LIMS1: variants seen among roughly 807,000 people sequenced by gnomAD.
LIMS1 encodes the protein LIM and senescent cell antigen-like-containing domain protein 1.
Under a neutral mutation model 44.1 loss-of-function variants are expected in LIMS1, and 18 were observed. The ratio of observed to expected loss-of-function variants is 0.41; its 90% confidence interval spans 0.28 to 0.61. The LOEUF is 0.61. Ranked by LOEUF, LIMS1 falls within the 20% of genes least tolerant of loss-of-function variation. The pLI is 0.32. For missense variants in LIMS1, 201 were observed against 422.0 expected (o/e 0.48, Z 4.59); for synonymous variants, 93 against 149.1 (o/e 0.62, Z 2.74).
chr2:108,622,609 G>T (rs1023796507), intron 1 of LIMS1, among the ~76,000 whole-genome samples: 1 of 152,108 alleles, frequency 6.6e-6, no homozygotes, highest in Non-Finnish European at 1.5e-5. Context: ...GAATTGACTG[G>T]ATTAAACAAT....
Position 108,683,871 on chromosome 2 carries a change from T to A in LIMS1, c.900-14T>A. 1 of 1,378,400 alleles carries A rather than the reference T, an allele frequency of 7.3e-7. No homozygotes were observed. Among genetic ancestry groups the A allele is most frequent in the Non-Finnish European group, 1.0e-6 (1 of 998,910 alleles). 85.4% of individuals were successfully genotyped at this position (1,378,400 alleles called of 1,614,324 possible). A position where few individuals can be genotyped will look rare whatever the true frequency, so the allele number is the denominator to read the frequency against. ...TCCACTAACTTCTTTTTTTTTATAATTTTTTGTCTTTAGGAATAAGTTTGT... is the reference window on the plus strand; with the variant it reads ...TCCACTAACTTCTTTTTTTTTATAAATTTTTGTCTTTAGGAATAAGTTTGT... On this transcript the variant is annotated splice_polypyrimidine_tract_variant and intron_variant, in intron 9 of 9. Coordinates refer to ENST00000544547, the Ensembl canonical transcript of LIMS1.
intron 1 of LIMS1, among the ~76,000 whole-genome samples, chr2:108,653,234 T>C (rs570164090): frequency 6.6e-6 from 1 of 150,634 alleles, no homozygotes; most frequent in Non-Finnish European, 1.5e-5. Context: ...ATTAACAACA[T>C]AGGCTCTGGA....
At chr2:108,596,203 G>A (rs34102334) in intron 1 of LIMS1, among the ~76,000 whole-genome samples, 1,831 of 152,266 alleles carry the variant, frequency 0.012, 30 homozygotes, top group African/African-American at 0.043. Context: ...TCTAATTAGC[G>A]ATAATTAATA....
At chr2:108,545,313 A>C (rs1017005642) in intron 1 of LIMS1, among the ~76,000 whole-genome samples, 1 of 152,164 alleles carries the variant, frequency 6.6e-6, no homozygotes, top group Non-Finnish European at 1.5e-5. Flanking sequence ...GGCTCACTGC[A>C]ACCTCCGCCT....
At chr2:108,665,238 A>T (rs1360521930) in intron 2 of LIMS1, among the ~76,000 whole-genome samples, 1 of 152,232 alleles carries the variant, frequency 6.6e-6, no homozygotes, top group African/African-American at 2.4e-5. Context: ...CCTAAATGTC[A>T]TAGCCTACAA....
chr2:108,540,475 G>A (rs1684282076), intron 1 of LIMS1, among the ~76,000 whole-genome samples: 1 of 152,150 alleles, frequency 6.6e-6, no homozygotes, highest in Admixed American at 6.5e-5. Context: ...TGGGATTACA[G>A]ACTTGAGCCA....
At chr2:108,578,111 A>G (rs954463323) in intron 1 of LIMS1, among the ~76,000 whole-genome samples, 3 of 152,132 alleles carry the variant, frequency 2.0e-5, no homozygotes, top group Admixed American at 6.5e-5. Context: ...GGGTTTCACC[A>G]TCTTGGCCAG....
At chr2:108,680,352 C>T (rs184044524) in intron 8 of LIMS1, among the ~76,000 whole-genome samples, 1,568 of 128,844 alleles carry the variant, frequency 0.012, 35 homozygotes, top group African/African-American at 0.046. Flanking sequence ...GGCAACAGAG[C>T]GAGATTCCGT....
intron 1 of LIMS1, among the ~76,000 whole-genome samples, chr2:108,586,733 A>G (rs931433270): frequency 1.3e-5 from 2 of 152,106 alleles, no homozygotes; most frequent in African/African-American, 4.8e-5. Flanking sequence ...CTGCCTTCCT[A>G]GAGGGAATTT....
At chr2:108,558,537 T>C (rs905208797) in intron 1 of LIMS1, among the ~76,000 whole-genome samples, 2 of 152,116 alleles carry the variant, frequency 1.3e-5, no homozygotes, top group Non-Finnish European at 2.9e-5. Flanking sequence ...GTACTCTAAA[T>C]GCCTTTGTTG....
intron 1 of LIMS1, among the ~76,000 whole-genome samples, chr2:108,549,476 G>A (rs760835032): frequency 2.0e-5 from 3 of 151,458 alleles, no homozygotes; most frequent in Non-Finnish European, 2.9e-5. Context: ...TGTGTTTTTA[G>A]TAGAGACAGG....
At position 108,583,970 on chromosome 2, in the gene LIMS1, A is replaced by T. The variant is rs556872712; in HGVS notation, c.32+49376A>T. 2.6e-5 allele frequency among the ~76,000 whole-genome samples: 4 copies of T among 152,270 alleles called. No homozygotes were observed. The South Asian group carries it at 6.2e-4, about 24-fold the overall frequency. Reference sequence around the variant, plus strand: ...CGGCCTCCCAAAGTGCTGAGATTACAGGCGTGAACCACTGCACCTGGCTGT... The same window carrying T: ...CGGCCTCCCAAAGTGCTGAGATTACTGGCGTGAACCACTGCACCTGGCTGT... On this transcript the variant is annotated intron_variant, in intron 1 of 9. Coordinates refer to ENST00000544547, the Ensembl canonical transcript of LIMS1.
chr2:108,551,889 ATATACATG>A (rs1339250602), intron 1 of LIMS1, among the ~76,000 whole-genome samples: 2 of 144,104 alleles, frequency 1.4e-5, no homozygotes, highest in African/African-American at 5.1e-5. Context: ...ATATATGTGT[ATATACATG>A]TATATATGTA....
intron 1 of LIMS1, among the ~76,000 whole-genome samples, chr2:108,637,955 A>G (rs1689389507): frequency 6.6e-6 from 1 of 151,874 alleles, no homozygotes. Context: ...TCACAGGCTC[A>G]AGCGATCCTC....
intron 1 of LIMS1, among the ~76,000 whole-genome samples, chr2:108,613,999 A>C (rs1687800239): frequency 6.6e-6 from 1 of 152,042 alleles, no homozygotes; most frequent in South Asian, 2.1e-4. Flanking sequence ...TGCAGGCTCC[A>C]CGAGGCCACT....
chr2:108,650,703 G>A (rs1690419196), intron 1 of LIMS1, among the ~76,000 whole-genome samples: 1 of 152,208 alleles, frequency 6.6e-6, no homozygotes, highest in African/African-American at 2.4e-5. Context: ...AGGGATTACA[G>A]GCGTGAGCCA....
At chr2:108,548,088 G>A (rs565874095) in intron 1 of LIMS1, among the ~76,000 whole-genome samples, 4 of 152,136 alleles carry the variant, frequency 2.6e-5, no homozygotes, top group South Asian at 4.1e-4. Flanking sequence ...AGCTGTGTTC[G>A]CACTTAGCCC....
chr2:108,684,656 A>G (rs1240058032), exon 10 of LIMS1: 2 of 118,272 alleles, frequency 1.7e-5, no homozygotes, highest in Non-Finnish European at 3.7e-5. Context: ...AGTAATAGCT[A>G]GCTGTAGGAT....
intron 1 of LIMS1, among the ~76,000 whole-genome samples, chr2:108,575,430 C>A (rs1685633403): frequency 1.3e-5 from 2 of 152,362 alleles, no homozygotes; most frequent in African/African-American, 4.8e-5. Flanking sequence ...CACAGAGCTG[C>A]AGCCTAGCAG....
Sources: allele counts gnomAD v4.1 joint callset (sites outside exome capture counted in the v4.1 genomes callset), GRCh38; gene constraint gnomAD v4.1.1; transcripts MANE v1.5; gene names NCBI Gene and HGNC (gene_info 2026-07-23, HGNC 2026-07-21).